Variants in KCNAB1 observed in about 807,000 individuals in gnomAD.
The protein encoded by KCNAB1 is voltage-gated potassium channel subunit beta-1.
Under a neutral mutation model 64.6 loss-of-function variants are expected in KCNAB1, and 35 were observed. The ratio of observed to expected loss-of-function variants is 0.54; its 90% CI spans 0.41 to 0.72. The LOEUF (loss-of-function observed/expected upper bound fraction) is 0.72, where lower values mean the gene tolerates loss of function less well. KCNAB1 is among the 30% of genes least tolerant of loss of function. The pLI is 0.00. For synonymous variants in KCNAB1, 177 were observed against 183.8 expected (o/e 0.96, Z 0.30); for missense variants, 401 against 512.9 (o/e 0.78, Z 2.11).
chr3:156,329,563 C>T (rs892165327), intron 1 of KCNAB1, among the ~76,000 whole-genome samples: 2 of 152,084 alleles, frequency 1.3e-5, no homozygotes, highest in Admixed American at 1.3e-4. Context: ...GTCTCTTGGA[C>T]AGAGCATCCT....
At chr3:156,226,968 A>T (rs905230230) in intron 1 of KCNAB1, among the ~76,000 whole-genome samples, 3 of 152,250 alleles carry the variant, frequency 2.0e-5, no homozygotes, top group Non-Finnish European at 4.4e-5. Context: ...ATTTACTAAA[A>T]GTAAAAAACA....
chr3:156,145,008 C>T (rs1714957365), intron 1 of KCNAB1, among the ~76,000 whole-genome samples: 1 of 152,154 alleles, frequency 6.6e-6, no homozygotes, highest in African/African-American at 2.4e-5. Context: ...TGGAGCCCAC[C>T]TGCTTGAGGG....
intron 2 of KCNAB1, among the ~76,000 whole-genome samples, chr3:156,444,933 G>A (rs1717290566): frequency 6.6e-6 from 1 of 152,164 alleles, no homozygotes; most frequent in Admixed American, 6.5e-5. Context: ...CTTTGGGCAT[G>A]TCATTTAACC....
intron 1 of KCNAB1, among the ~76,000 whole-genome samples, chr3:156,405,364 C>T (rs890829205): frequency 6.6e-6 from 1 of 152,240 alleles, no homozygotes; most frequent in East Asian, 1.9e-4. Flanking sequence ...GCCAGCCCAG[C>T]CCTCTGTGTC....
intron 1 of KCNAB1, among the ~76,000 whole-genome samples, chr3:156,373,888 T>C (rs905375846): frequency 6.6e-6 from 1 of 152,230 alleles, no homozygotes; most frequent in Non-Finnish European, 1.5e-5. Context: ...GTCTGATCCA[T>C]TCAGGCCAGG....
At chr3:156,144,122 C>T (rs568407756) in intron 1 of KCNAB1, among the ~76,000 whole-genome samples, 26 of 152,240 alleles carry the variant, frequency 1.7e-4, no homozygotes, top group Admixed American at 6.5e-4. Context: ...ATTATTGCTC[C>T]TGCACAAGTG....
intron 1 of KCNAB1, among the ~76,000 whole-genome samples, chr3:156,393,522 C>T (rs937904741): frequency 4.6e-5 from 7 of 152,100 alleles, no homozygotes; most frequent in Non-Finnish European, 1.0e-4. Flanking sequence ...TTATTCATTC[C>T]TGTGCTGCTT....
intron 1 of KCNAB1, among the ~76,000 whole-genome samples, chr3:156,251,729 A>C (rs1355795099): frequency 6.6e-6 from 1 of 152,206 alleles, no homozygotes; most frequent in African/African-American, 2.4e-5. Flanking sequence ...GTGTTCTAAA[A>C]TACAAAGGTA....
At chr3:156,462,248 A>G (rs1712970734) in intron 5 of KCNAB1, among the ~76,000 whole-genome samples, 1 of 152,256 alleles carries the variant, frequency 6.6e-6, no homozygotes, top group Non-Finnish European at 1.5e-5. Flanking sequence ...TAATGTGCAT[A>G]TCCATATAGG....
chr3:156,224,471 A>G (rs1716025015), intron 1 of KCNAB1, among the ~76,000 whole-genome samples: 1 of 152,258 alleles, frequency 6.6e-6, no homozygotes, highest in Non-Finnish European at 1.5e-5. Context: ...GAGGGCTGCC[A>G]GCATGCTGTC....
At chr3:156,522,428 A>G (rs1718013521) in intron 11 of KCNAB1, among the ~76,000 whole-genome samples, 1 of 152,072 alleles carries the variant, frequency 6.6e-6, no homozygotes, top group Non-Finnish European at 1.5e-5. Context: ...TGCCCACCTC[A>G]TCACCACTGG....
intron 1 of KCNAB1, among the ~76,000 whole-genome samples, chr3:156,199,417 A>G (rs540828100): frequency 1.3e-5 from 2 of 152,218 alleles, no homozygotes; most frequent in South Asian, 4.2e-4. Flanking sequence ...GTGTTTTCCA[A>G]CTTGGTTCCA....
chr3:156,292,307 A>G (rs1482662965), intron 1 of KCNAB1, among the ~76,000 whole-genome samples: 1 of 152,200 alleles, frequency 6.6e-6, no homozygotes, highest in Non-Finnish European at 1.5e-5. Flanking sequence ...TTGTGTGTGT[A>G]AAGATTTTTA....
intron 2 of KCNAB1, among the ~76,000 whole-genome samples, chr3:156,433,618 G>A (rs1716380730): frequency 6.6e-6 from 1 of 152,222 alleles, no homozygotes; most frequent in Non-Finnish European, 1.5e-5. Context: ...CATAGAAATG[G>A]CCCAGGGGAG....
At chr3:156,533,268 T>C (rs6785996) in intron 13 of KCNAB1, among the ~76,000 whole-genome samples, 126,311 of 152,212 alleles carry the variant, frequency 0.83, 52,511 homozygotes, top group East Asian at 0.98. Context: ...AATATGTTTA[T>C]TCCGAGGGCT....
intron 2 of KCNAB1, among the ~76,000 whole-genome samples, chr3:156,448,216 G>C (rs2108271798): frequency 6.6e-6 from 1 of 152,284 alleles, no homozygotes. Context: ...AATAACAATT[G>C]TCAGTTTAGT....
intron 8 of KCNAB1, among the ~76,000 whole-genome samples, chr3:156,484,743 G>C (rs181731652): frequency 6.2e-4 from 94 of 152,146 alleles, no homozygotes; most frequent in African/African-American, 2.2e-3. Context: ...TTCTCAGACA[G>C]CCGGGGATAA....
At chr3:156,344,146 G>T (rs889559506) in intron 1 of KCNAB1, among the ~76,000 whole-genome samples, 1 of 152,126 alleles carries the variant, frequency 6.6e-6, no homozygotes, top group African/African-American at 2.4e-5. Flanking sequence ...TTATCAGGGA[G>T]CTCAATATCC....
intron 1 of KCNAB1, chr3:156,143,061 G>A: frequency 7.0e-7 from 1 of 1,419,164 alleles, no homozygotes. Context: ...AAGAAAACAA[G>A]CTAAACCTTT....
Sources: allele counts gnomAD v4.1 joint callset (sites outside exome capture counted in the v4.1 genomes callset), GRCh38; gene constraint gnomAD v4.1.1; transcripts MANE v1.5; gene names NCBI Gene and HGNC (gene_info 2026-07-23, HGNC 2026-07-21).